The following NFIA variants were observed in gnomAD, a reference collection of about 807,000 sequenced individuals.
NFIA encodes nuclear factor I A, also known as nuclear factor 1 A-type.
In NFIA, 8 loss-of-function variants were observed where a neutral mutation model predicts 62.8. The ratio of observed to expected loss-of-function variants is 0.13; its 90% CI spans 0.07 to 0.23. NFIA has a LOEUF of 0.23. Among genes scored for constraint, NFIA ranks in the 10% least tolerant of loss-of-function variants. The pLI is 1.00. For synonymous variants in NFIA, 235 were observed against 238.1 expected (o/e 0.99, Z 0.12); for missense variants, 410 against 642.1 (o/e 0.64, Z 3.91).
intron 2 of NFIA, among the ~76,000 whole-genome samples, chr1:61,100,961 A>G (rs1413537489): frequency 6.6e-6 from 1 of 151,886 alleles, no homozygotes; most frequent in Non-Finnish European, 1.5e-5. Flanking sequence ...TTACCATAAA[A>G]TTGGTATATG....
At chr1:61,283,656 C>T (rs1014062900) in intron 3 of NFIA, among the ~76,000 whole-genome samples, 6 of 146,236 alleles carry the variant, frequency 4.1e-5, no homozygotes, top group Non-Finnish European at 6.0e-5. Flanking sequence ...AGAAGAGAAA[C>T]CTATAAATTT....
At chr1:61,082,093 A>AAGT (rs1448406811), upstream of NFIA, 16 of 1,509,270 alleles carry the variant, frequency 1.1e-5, no homozygotes, top group African/African-American at 4.2e-5. Flanking sequence ...GGACGAGGAA[A>AAGT]AGTAGTTTTG....
At chr1:61,173,798 T>G (rs1239900306) in intron 2 of NFIA, among the ~76,000 whole-genome samples, 1 of 152,164 alleles carries the variant, frequency 6.6e-6, no homozygotes, top group Non-Finnish European at 1.5e-5. Flanking sequence ...ACAGTCAGCA[T>G]AGCCCTGCCC....
chr1:61,275,113 G>C (rs573972500), intron 2 of NFIA, among the ~76,000 whole-genome samples: 5 of 152,280 alleles, frequency 3.3e-5, no homozygotes, highest in Middle Eastern at 3.4e-3. Flanking sequence ...TCCGTTTTCA[G>C]TTTGGCTGGA....
At chr1:61,100,038 A>C (rs1390948243) in intron 2 of NFIA, among the ~76,000 whole-genome samples, 1 of 152,176 alleles carries the variant, frequency 6.6e-6, no homozygotes, top group Non-Finnish European at 1.5e-5. Flanking sequence ...GGATGGAGTG[A>C]AAAATATTCT....
intron 9 of NFIA, among the ~76,000 whole-genome samples, chr1:61,410,687 G>C (rs925253405): frequency 6.6e-6 from 1 of 152,136 alleles, no homozygotes; most frequent in Non-Finnish European, 1.5e-5. Context: ...GGGGCAGATT[G>C]CTTGAGCTCA....
intron 3 of NFIA, among the ~76,000 whole-genome samples, chr1:61,300,131 G>A (rs999106134): frequency 6.6e-6 from 1 of 151,984 alleles, no homozygotes; most frequent in African/African-American, 2.4e-5. Context: ...GTTGTTTTCC[G>A]CATTTCCACA....
chr1:61,171,688 TTCC>T (rs1649976178), intron 2 of NFIA, among the ~76,000 whole-genome samples: 1 of 152,162 alleles, frequency 6.6e-6, no homozygotes, highest in Admixed American at 6.5e-5. Context: ...GTGGCTATCA[TTCC>T]TATGGTGCTA....
At chr1:61,286,202 C>T (rs759124681) in intron 3 of NFIA, among the ~76,000 whole-genome samples, 1 of 151,556 alleles carries the variant, frequency 6.6e-6, no homozygotes, top group Admixed American at 6.6e-5. Context: ...CCAAGGCAGG[C>T]GGATCACGAG....
intron 2 of NFIA, among the ~76,000 whole-genome samples, chr1:61,221,552 A>G (rs1311895864): frequency 6.6e-6 from 1 of 152,192 alleles, no homozygotes; most frequent in East Asian, 1.9e-4. Context: ...TATAGAGAAC[A>G]GTAGAAATCC....
chr1:61,401,678 C>T (rs1025298722), intron 7 of NFIA, among the ~76,000 whole-genome samples: 1 of 152,208 alleles, frequency 6.6e-6, no homozygotes, highest in African/African-American at 2.4e-5. Flanking sequence ...ACCAGGGGCT[C>T]TTGTCAGCAG....
At chr1:61,221,553 GTAGAA>G (rs1317493423) in intron 2 of NFIA, among the ~76,000 whole-genome samples, 1 of 152,114 alleles carries the variant, frequency 6.6e-6, no homozygotes, top group East Asian at 1.9e-4. Flanking sequence ...ATAGAGAACA[GTAGAA>G]ATCCAAATCG....
At chr1:61,264,653 CAA>C (rs1165980251) in intron 2 of NFIA, among the ~76,000 whole-genome samples, 1,244 of 60,646 alleles carry the variant, frequency 0.021, 103 homozygotes, top group African/African-American at 0.062. Flanking sequence ...CTCCACCTTA[CAA>C]AAAAAAAAAA....
At chr1:61,108,807 A>G (rs970709141) in intron 2 of NFIA, among the ~76,000 whole-genome samples, 12 of 151,924 alleles carry the variant, frequency 7.9e-5, no homozygotes, top group South Asian at 4.1e-4. Context: ...ATGGTTTGGT[A>G]TATGCTACCA....
chr1:61,155,398 G>A (rs1648726345), intron 2 of NFIA, among the ~76,000 whole-genome samples: 1 of 152,176 alleles, frequency 6.6e-6, no homozygotes, highest in African/African-American at 2.4e-5. Context: ...AGTTGGCCGG[G>A]CGCGGTGGCT....
At chr1:61,163,503 T>A (rs923799975) in intron 2 of NFIA, among the ~76,000 whole-genome samples, 1 of 152,190 alleles carries the variant, frequency 6.6e-6, no homozygotes, top group African/African-American at 2.4e-5. Context: ...TAGAATTTTA[T>A]AGTTCCAGTA....
chr1:61,226,091 G>A (rs1318701666), intron 2 of NFIA, among the ~76,000 whole-genome samples: 5 of 152,116 alleles, frequency 3.3e-5, no homozygotes, highest in Non-Finnish European at 7.4e-5. Flanking sequence ...TGTAACAGAA[G>A]AAAACCCAAC....
chr1:61,280,244 C>T (rs570918643), intron 3 of NFIA, among the ~76,000 whole-genome samples: 4 of 152,246 alleles, frequency 2.6e-5, no homozygotes, highest in Non-Finnish European at 4.4e-5. Context: ...TCTGGTGTTG[C>T]GTTGATCAAG....
chr1:61,222,856 A>C (rs997345242), intron 2 of NFIA, among the ~76,000 whole-genome samples: 2 of 152,046 alleles, frequency 1.3e-5, no homozygotes, highest in Admixed American at 6.6e-5. Flanking sequence ...TCCTTTATAA[A>C]TATACTTTTC....
Sources: gnomAD v4.1 joint callset for allele counts (sites outside exome capture counted in the v4.1 genomes callset) on GRCh38, gnomAD v4.1.1 for gene constraint, MANE v1.5 for transcripts, NCBI Gene and HGNC (gene_info 2026-07-23, HGNC 2026-07-21) for gene names.